Variants in ATG7 observed in about 807,000 individuals in gnomAD.
ATG7 encodes the protein autophagy related 7, also known as ubiquitin-like modifier-activating enzyme ATG7.
In ATG7, 70 loss-of-function variants were observed where a neutral mutation model predicts 82.4. That is an observed-to-expected ratio of 0.85 (90% CI 0.70 to 1.04). The LOEUF (loss-of-function observed/expected upper bound fraction) is 1.04, where lower values mean the gene tolerates loss of function less well. Among genes scored for constraint, ATG7 ranks in the 50% least tolerant of loss-of-function variants. The probability of loss-of-function intolerance (pLI) is 0.00; values close to 1 mark genes in which losing one functional copy is unlikely to be tolerated. For synonymous variants in ATG7, 287 were observed against 313.0 expected (o/e 0.92, Z 0.88); for missense variants, 792 against 864.3 (o/e 0.92, Z 1.05).
At chr3:11,553,362 G>C (rs1264454398) in intron 20 of ATG7, among the ~76,000 whole-genome samples, 1 of 152,220 alleles carries the variant, frequency 6.6e-6, no homozygotes, top group Admixed American at 6.5e-5. Context: ...GTGGCACAGA[G>C]CTGGCTACAT....
chr3:11,518,772 G>A (rs796776172), intron 20 of ATG7, among the ~76,000 whole-genome samples: 5 of 152,254 alleles, frequency 3.3e-5, no homozygotes, highest in African/African-American at 1.2e-4. Flanking sequence ...CTTGATAGGA[G>A]CTGAAAAGCA....
At chr3:11,528,218 A>G (rs780234994) in intron 20 of ATG7, among the ~76,000 whole-genome samples, 24 of 152,226 alleles carry the variant, frequency 1.6e-4, no homozygotes, top group Non-Finnish European at 8.8e-5. Context: ...CTGCAACAAT[A>G]TTGACTTCAT....
At chr3:11,530,903 C>T (rs777171572) in intron 20 of ATG7, among the ~76,000 whole-genome samples, 1 of 152,160 alleles carries the variant, frequency 6.6e-6, no homozygotes, top group Non-Finnish European at 1.5e-5. Flanking sequence ...GTTGCTTGCC[C>T]CTGGGAGGCA....
In ATG7 at chr3:11,433,289, TAAAA is replaced by T. The variant is rs56859088; in HGVS notation, c.2079+6386_2079+6389del. Among the ~76,000 whole-genome samples, 66 of 83,804 alleles carry T rather than the reference TAAAA, an allele frequency of 7.9e-4. 1 individual carries two copies. Among genetic ancestry groups the T allele is most frequent in the Admixed American group, 5.6e-3 (37 of 6,558 alleles). 55.0% of individuals were successfully genotyped at this position (83,804 alleles called of 152,430 possible). A position where few individuals can be genotyped will look rare whatever the true frequency, so the allele number is the denominator to read the frequency against. On this transcript the variant is annotated intron_variant, in intron 20 of 20. Transcript: ENST00000693202. ...ACAGAGCAAGACCCTGTCTCTTATT[TAAAA>T]AAAAAAAAAAAAAAAAAAAAAAGCT... is the stretch of plus-strand genomic sequence containing the variant.
intron 19 of ATG7, among the ~76,000 whole-genome samples, chr3:11,412,261 C>CTT (rs71055869): frequency 2.5e-4 from 34 of 137,848 alleles, no homozygotes; most frequent in African/African-American, 8.2e-4. Flanking sequence ...TTATTTGATT[C>CTT]TTTTTTTTTT....
At position 11,458,373 on chromosome 3, in the gene ATG7, C is replaced by T. The variant is rs527865890; in HGVS notation, c.2079+31447C>T. ...CCGCCTCCTGGGTTCACGCCATTCT[C>T]CTGCCTCAGCCTCCTGAGTAGCTGG... On this transcript the variant is annotated intron_variant, in intron 20 of 20. Coordinates refer to ENST00000693202, the MANE Select transcript of ATG7 (RefSeq NM_001349232.2). 2.0e-5 allele frequency among the ~76,000 whole-genome samples: 3 copies of T among 152,280 alleles called. No individual in the cohort carries two copies. In the South Asian group the frequency reaches 6.2e-4, roughly 32 times the overall value.
intron 20 of ATG7, among the ~76,000 whole-genome samples, chr3:11,506,576 AAAAAAAAACCC>A (rs2091735709): frequency 2.9e-4 from 4 of 13,768 alleles, no homozygotes; most frequent in African/African-American, 7.4e-4. Flanking sequence ...AAAAAAAAAA[AAAAAAAAACCC>A]AAAAATTAGC....
intron 19 of ATG7, among the ~76,000 whole-genome samples, chr3:11,392,548 T>C (rs2078904886): frequency 6.6e-6 from 1 of 151,884 alleles, no homozygotes; most frequent in Non-Finnish European, 1.5e-5. Context: ...AGAACGATGG[T>C]ATTTTTGGCA....
At chr3:11,437,678 T>G (rs2083483740) in intron 20 of ATG7, among the ~76,000 whole-genome samples, 2 of 152,138 alleles carry the variant, frequency 1.3e-5, no homozygotes, top group Non-Finnish European at 2.9e-5. Flanking sequence ...ACAATTAACA[T>G]TTTGCCACAT....
intron 1 of ATG7, among the ~76,000 whole-genome samples, chr3:11,278,451 G>A (rs1054188803): frequency 1.3e-5 from 2 of 152,174 alleles, no homozygotes; most frequent in South Asian, 2.1e-4. Context: ...CGGTCCCTCC[G>A]TTCAGGGTCC....
chr3:11,525,011 CTCTG>C (rs577989159), intron 20 of ATG7, among the ~76,000 whole-genome samples: 23 of 152,018 alleles, frequency 1.5e-4, no homozygotes, highest in South Asian at 6.2e-4. Flanking sequence ...GTATTTATTC[CTCTG>C]TCTGTGCAAA....
chr3:11,517,822 C>T (rs1033064500), intron 20 of ATG7, among the ~76,000 whole-genome samples: 2 of 152,234 alleles, frequency 1.3e-5, no homozygotes, highest in African/African-American at 4.8e-5. Context: ...AGGCTGGGGC[C>T]GTGCCATGCA....
intron 20 of ATG7, among the ~76,000 whole-genome samples, chr3:11,505,187 A>G (rs1296706140): frequency 6.6e-6 from 1 of 152,206 alleles, no homozygotes; most frequent in African/African-American, 2.4e-5. Context: ...CTCAAGTGAA[A>G]ACGTTTTAAA....
At chr3:11,395,810 G>T (rs1215885842) in intron 19 of ATG7, among the ~76,000 whole-genome samples, 4 of 151,748 alleles carry the variant, frequency 2.6e-5, no homozygotes, top group Non-Finnish European at 4.4e-5. Context: ...CGTGGTGGTG[G>T]GCGCCTGTAG....
At chr3:11,453,811 G>A (rs1182287813) in intron 20 of ATG7, among the ~76,000 whole-genome samples, 2 of 152,132 alleles carry the variant, frequency 1.3e-5, no homozygotes, top group Admixed American at 6.5e-5. Context: ...ATGGGGGAGT[G>A]CAAGGGGTGG....
chr3:11,558,724 G>A, downstream of ATG7: 1 of 1,614,158 alleles, frequency 6.2e-7, no homozygotes, highest in Non-Finnish European at 8.5e-7. Context: ...CGTCCACGGA[G>A]CCCGTGATGG....
At chr3:11,562,681 A>T in the ATG7 span, among the ~76,000 whole-genome samples, 1 of 152,218 alleles carries the variant, frequency 6.6e-6, no homozygotes, top group African/African-American at 2.4e-5. Flanking sequence ...AGCCCCACGA[A>T]TGGTTACGAC....
intron 20 of ATG7, among the ~76,000 whole-genome samples, chr3:11,443,959 A>G (rs867495430): frequency 6.6e-6 from 1 of 152,236 alleles, no homozygotes; most frequent in African/African-American, 2.4e-5. Flanking sequence ...CCACAGGCCT[A>G]GAAGTAACTA....
At position 11,528,719 on chromosome 3, in the gene ATG7, G is replaced by A. The variant is rs1363766184; in HGVS notation, c.2080-26092G>A. ...TGCGCACCTGTAGTCCCAGCTACTC[G>A]GGAGGCTGAGGCAGGAGAATCACTT... On this transcript the variant is annotated intron_variant, in intron 20 of 20. Transcript: ENST00000693202. Among the ~76,000 whole-genome samples the A allele has an allele frequency of 4.6e-5, 7 of 151,678 alleles. No homozygotes were observed. The East Asian group carries it at 7.8e-4, about 17-fold the overall frequency.
Sources: gnomAD v4.1 joint callset for allele counts (sites outside exome capture counted in the v4.1 genomes callset) on GRCh38, gnomAD v4.1.1 for gene constraint, MANE v1.5 for transcripts, NCBI Gene and HGNC (gene_info 2026-07-23, HGNC 2026-07-21) for gene names.